The following ASIC4 variants were observed in gnomAD, a reference collection of about 807,000 sequenced individuals.
ASIC4 encodes acid sensing ion channel subunit family member 4, also known as acid-sensing ion channel 4.
ASIC4 carries 28 observed loss-of-function variants against 53.4 expected under a neutral mutation model. The ratio of observed to expected loss-of-function variants is 0.52; its 90% CI spans 0.39 to 0.72. The LOEUF is 0.72. ASIC4 is among the 30% of genes least tolerant of loss of function. The probability of loss-of-function intolerance (pLI) is 0.00; values close to 1 mark genes in which losing one functional copy is unlikely to be tolerated. For synonymous variants in ASIC4, 289 were observed against 301.4 expected (o/e 0.96, Z 0.43); for missense variants, 649 against 729.7 (o/e 0.89, Z 1.27).
At chr2:219,509,378 C>G (rs1378849645), upstream of ASIC4, among the ~76,000 whole-genome samples, 1 of 152,142 alleles carries the variant, frequency 6.6e-6, no homozygotes, top group Non-Finnish European at 1.5e-5. The surrounding 1 kb of genome is among the most constrained non-coding windows in gnomAD (Gnocchi z 5.2). Context: ...ACCCCTGAGA[C>G]AGACACACTG....
At chr2:219,520,174 C>T (rs1694863270) in intron 1 of ASIC4, among the ~76,000 whole-genome samples, 1 of 152,114 alleles carries the variant, frequency 6.6e-6, no homozygotes, top group Non-Finnish European at 1.5e-5. Flanking sequence ...CCTCCCGACC[C>T]TCCTTCTCCA....
rs1444981620 is a variant in ASIC4, at chr2:219,517,745, A to G, written c.582+2439A>G. ...GCTCTGTGGTGAGGACCTGGAGTCA[A>G]TGATGGGGATTTGGGGTCTATGGTG... On this transcript the variant is annotated intron_variant, in intron 1 of 9. Transcript: ENST00000358078. This position sits in a 1 kb window ranked among gnomAD's most constrained non-coding sequence, Gnocchi z 4.2. Among the ~76,000 whole-genome samples the G allele has an allele frequency of 1.3e-5, 2 of 152,142 alleles. No homozygotes were observed. The highest frequency in any genetic ancestry group is 1.5e-5 in the Non-Finnish European group (1 of 68,024).
chr2:219,535,214 C>A lies in ASIC4; in HGVS notation c.1119C>A (p.Thr373=). The part of the protein sequence containing the change: ...GGPEGPCFCP[T]PCNLTRYGKE... ...CTGAGGGCCCGTGCTTCTGCCCCAC[C>A]CCCTGCAACCTGACACGCTATGGGA... Residue 373 remains threonine, a synonymous_variant, in exon 6 of 10, where the codon ACC becomes ACA. Transcript: ENST00000358078. 1 of 1,614,032 alleles carries A rather than the reference C, an allele frequency of 6.2e-7. No homozygotes were observed. Among genetic ancestry groups the A allele is most frequent in the South Asian group, 1.1e-5 (1 of 91,074 alleles).
rs147795598 is a variant in ASIC4 at position 219,514,921 on chromosome 2, G to A, written c.197G>A (p.Arg66His). Residue 66 changes from arginine to histidine, a missense_variant, in exon 1 of 10, where the codon CGC becomes CAC. Arg to His is a conservative substitution (Grantham distance 29). Transcript: ENST00000358078. ...RACGPGPHGL[R>H]RTLWALALLT... ...TGTGGCCCAGGCCCCCACGGACTGC[G>A]CAGAACCCTGTGGGCACTGGCCCTA... The A allele has an allele frequency of 8.8e-5, 142 of 1,612,842 alleles. No individual in the cohort carries two copies. Among genetic ancestry groups the A allele is most frequent in the African/African-American group, 7.9e-4 (59 of 74,916 alleles).
At position 219,532,141 on chromosome 2, in the gene ASIC4, T is replaced by C. The variant is rs1313451110; in HGVS notation, c.855+13T>C. ...CCAGGAACAGCGGGTGAGCATCTCC[T>C]GCTAGGCCCTGGATTGGGCACAGGG... On this transcript the variant is annotated intron_variant, in intron 3 of 9. Transcript: ENST00000358078. The C allele has an allele frequency of 1.3e-5, 21 of 1,613,958 alleles. No individual in the cohort carries two copies. Among genetic ancestry groups the C allele is most frequent in the Non-Finnish European group, 1.7e-5 (20 of 1,179,990 alleles).
intron 1 of ASIC4, among the ~76,000 whole-genome samples, chr2:219,530,725 C>A (rs1695029123): frequency 6.6e-6 from 1 of 152,104 alleles, no homozygotes; most frequent in Non-Finnish European, 1.5e-5. Flanking sequence ...GGGACAACAA[C>A]AACAAAAGCC....
Position 219,532,391 on chromosome 2 carries a change from C to T in ASIC4, c.932C>T (p.Ser311Leu), listed in dbSNP as rs367826514. The change falls in exon 4 of 10, where the codon TCG (serine) becomes TTG (leucine). Residue 311 changes from serine (S) to leucine (L), a missense_variant. Coordinates refer to ENST00000358078, the MANE Select transcript of ASIC4 (RefSeq NM_018674.6). ...ELREPELQGY[S>L]AYSVSACRLR... is the part of the protein sequence containing the mutation. ...AGGGAGCCTGAGCTTCAGGGCTACT[C>T]GGCCTACAGTGTGTCTGCCTGCCGG... The T allele has an allele frequency of 6.1e-5, 98 of 1,614,126 alleles. No homozygotes were observed. The highest frequency in any genetic ancestry group is 2.3e-4 in the South Asian group (21 of 91,084).
intron 1 of ASIC4, 146 bp downstream of exon 1, chr2:219,515,452 C>T: frequency 8.5e-7 from 1 of 1,174,268 alleles, no homozygotes; most frequent in South Asian, 1.6e-5. Flanking sequence ...TTCCCCAAGC[C>T]TGGCGTCTCC....
rs764813818 is a variant in ASIC4, at chr2:219,531,795, C to A, written c.620C>A (p.Ala207Glu). 1 of 1,612,364 alleles carries A rather than the reference C, an allele frequency of 6.2e-7. No homozygotes were observed. Among genetic ancestry groups the A allele is most frequent in the African/African-American group, 1.3e-5 (1 of 74,896 alleles). The change falls in exon 2 of 10, where the codon GCG (alanine) becomes GAG (glutamate). Residue 207 changes from alanine to glutamate, a missense_variant. Transcript: ENST00000358078. ...TATGGGAAGTGTTACACCTTCAACG[C>A]GGACCCGCGGAGCTCGCTGCCCAGC... ...TRYGKCYTFNADPRSSLPSRA... is the reference protein window; with the variant it reads ...TRYGKCYTFNEDPRSSLPSRA...
chr2:219,537,336 G>A lies in ASIC4; in HGVS notation c.1401+15G>A, dbSNP rs1695156580. ...ACATCTATGAGGCAAGGGCCCTGGA[G>A]AAGGCAGGGTGGGAGTGGGGGCCGT... On this transcript the variant is annotated intron_variant, in intron 8 of 9. Transcript: ENST00000358078. This position sits in a 1 kb window ranked among gnomAD's most constrained non-coding sequence, Gnocchi z 4.9. The A allele has an allele frequency of 1.2e-6, 2 of 1,609,574 alleles. No individual in the cohort carries two copies. The highest frequency in any genetic ancestry group is 1.3e-5 in the African/African-American group (1 of 75,038).
the ASIC4 span, among the ~76,000 whole-genome samples, chr2:219,508,465 G>T: frequency 6.6e-6 from 1 of 152,144 alleles, no homozygotes; most frequent in Admixed American, 6.5e-5. Flanking sequence ...TTTGAAGGGG[G>T]GTGCCGCTAG....
chr2:219,514,421 G>A (rs1317334715), upstream of ASIC4: 2 of 1,549,150 alleles, frequency 1.3e-6, no homozygotes, highest in Non-Finnish European at 1.7e-6. Flanking sequence ...CGCTCGCAGG[G>A]ACACACGCAG....
chr2:219,522,720 C>T (rs1694906650), intron 1 of ASIC4, among the ~76,000 whole-genome samples: 1 of 152,098 alleles, frequency 6.6e-6, no homozygotes, highest in Non-Finnish European at 1.5e-5. Flanking sequence ...GGGACCCCCG[C>T]CCCCGTCGCC....
At chr2:219,514,209 T>C, upstream of ASIC4, 1 of 1,097,370 alleles carries the variant, frequency 9.1e-7, no homozygotes, top group Non-Finnish European at 1.3e-6. Flanking sequence ...GTTTGGGGGA[T>C]AGCCCCAGTC....
Position 219,538,415 on chromosome 2 carries a change from A to G in ASIC4, c.*369A>G. On this transcript the variant is annotated 3_prime_UTR_variant, in exon 10 of 10. Coordinates refer to ENST00000358078, the MANE Select transcript of ASIC4 (RefSeq NM_018674.6). ...TGGGGGGAGGGGATACAGATGTAGA[A>G]GGTGGGTAGGGCTACAGGGGTGGGT... is the stretch of plus-strand genomic sequence containing the variant. 3.8e-6 allele frequency: 1 copy of G among 261,244 alleles called. No homozygotes were observed. Among genetic ancestry groups the G allele is most frequent in the Non-Finnish European group, 7.5e-6 (1 of 133,840 alleles). The allele number at this position is 261,244 out of a possible 1,614,324, so 16.2% of individuals were successfully genotyped here.
chr2:219,511,398 C>CA (rs1393075457), upstream of ASIC4, among the ~76,000 whole-genome samples: 1 of 150,862 alleles, frequency 6.6e-6, no homozygotes, highest in African/African-American at 2.4e-5. The surrounding 1 kb of genome is among the most constrained non-coding windows in gnomAD (Gnocchi z 5.3). Flanking sequence ...CACTGCCCCC[C>CA]CCCCACATTC....
At chr2:219,527,377 G>A (rs1000658935) in intron 1 of ASIC4, among the ~76,000 whole-genome samples, 1 of 152,214 alleles carries the variant, frequency 6.6e-6, no homozygotes, top group African/African-American at 2.4e-5. Context: ...CCCCGACTCT[G>A]CACAGCCACC....
In ASIC4 at chr2:219,514,510, A is replaced by G. The variant is rs1694747747; in HGVS notation, c.-215A>G. Reference sequence around the variant, plus strand: ...GAGAGAGACAAGCGGCAGCAGAGGCAGCAGCGGCAGAGGCAGCACCAGGGC... The same window carrying G: ...GAGAGAGACAAGCGGCAGCAGAGGCGGCAGCGGCAGAGGCAGCACCAGGGC... On this transcript the variant is annotated 5_prime_UTR_variant, in exon 1 of 10. Coordinates refer to ENST00000358078, the MANE Select transcript of ASIC4 (RefSeq NM_018674.6). 1 of 1,550,800 alleles carries G rather than the reference A, an allele frequency of 6.4e-7. No homozygotes were observed. Among genetic ancestry groups the G allele is most frequent in the Admixed American group, 2.0e-5 (1 of 50,998 alleles).
upstream of ASIC4, among the ~76,000 whole-genome samples, chr2:219,511,376 C>T (rs978018178): frequency 3.3e-5 from 5 of 151,188 alleles, no homozygotes; most frequent in South Asian, 4.2e-4. The surrounding 1 kb of genome is among the most constrained non-coding windows in gnomAD (Gnocchi z 5.3). Context: ...TGTCTCTCCC[C>T]CCGACTGCAT....
Sources: gnomAD v4.1 joint callset for allele counts (sites outside exome capture counted in the v4.1 genomes callset) on GRCh38, gnomAD v4.1.1 for gene constraint, Gnocchi (gnomAD v3.1) non-coding constraint, MANE v1.5 for transcripts, NCBI Gene and HGNC (gene_info 2026-07-23, HGNC 2026-07-21) for gene names.